Variants in CACNA1D observed in about 807,000 individuals in gnomAD.
The protein encoded by CACNA1D is calcium voltage-gated channel subunit alpha1 D.
A neutral mutation model predicts 257.1 loss-of-function variants in CACNA1D; 55 were observed. That is an observed-to-expected ratio of 0.21 (90% CI 0.17 to 0.27). CACNA1D has a LOEUF of 0.27. Ranked by LOEUF, CACNA1D falls within the 10% of genes least tolerant of loss-of-function variation. The pLI is 1.00. For synonymous variants in CACNA1D, 980 were observed against 1,014.9 expected (o/e 0.97, Z 0.65); for missense variants, 1,876 against 2,784.0 (o/e 0.67, Z 7.34).
chr3:53,604,479 G>T (rs977972668), intron 3 of CACNA1D, among the ~76,000 whole-genome samples: 2 of 152,138 alleles, frequency 1.3e-5, no homozygotes, highest in African/African-American at 4.8e-5. Flanking sequence ...TCAAATGGAG[G>T]GCTTTTTGAA....
At chr3:53,759,478 G>A (rs913836005) in intron 29 of CACNA1D, among the ~76,000 whole-genome samples, 3 of 152,216 alleles carry the variant, frequency 2.0e-5, no homozygotes, top group Admixed American at 6.5e-5. Context: ...GCTGGGGCAC[G>A]CACCACAGCA....
intron 3 of CACNA1D, among the ~76,000 whole-genome samples, chr3:53,616,113 C>CAGGGTG (rs928131944): frequency 2.0e-5 from 3 of 152,138 alleles, no homozygotes; most frequent in African/African-American, 4.8e-5. Context: ...AGTGACCCTG[C>CAGGGTG]AGGGTGAGGG....
At chr3:53,665,093 T>TA (rs1404562254) in intron 5 of CACNA1D, among the ~76,000 whole-genome samples, 1 of 152,252 alleles carries the variant, frequency 6.6e-6, no homozygotes, top group East Asian at 1.9e-4. Context: ...GCATTCATGA[T>TA]AAACAGTTTG....
intron 7 of CACNA1D, among the ~76,000 whole-genome samples, chr3:53,672,780 G>C (rs1357104096): frequency 2.1e-5 from 3 of 145,712 alleles, no homozygotes; most frequent in Non-Finnish European, 3.0e-5. Flanking sequence ...GTGTGTGTGT[G>C]TGTGTGTGTG....
Position 53,735,594 on chromosome 3 carries a change from A to C in CACNA1D, c.2751+91A>C. 4 of 1,414,924 alleles carry C rather than the reference A, an allele frequency of 2.8e-6. No homozygotes were observed. The South Asian group carries it at 4.6e-5, about 16-fold the overall frequency. 87.6% of individuals were successfully genotyped at this position (1,414,924 alleles called of 1,614,324 possible). A position where few individuals can be genotyped will look rare whatever the true frequency, so the allele number is the denominator to read the frequency against. On this transcript the variant is annotated intron_variant, in intron 20 of 47. Transcript: ENST00000350061. The stretch of plus-strand genomic sequence containing the variant: ...GAGATGGGAGCTGTGGAGGCCCTCA[A>C]GGTGACAGCTAGAGTAGGTCTTTCC...
chr3:53,801,418 G>A lies in CACNA1D; in HGVS notation c.5401G>A (p.Val1801Met), dbSNP rs1482956176. The A allele has an allele frequency of 1.1e-5, 17 of 1,614,026 alleles. No homozygotes were observed. The highest frequency in any genetic ancestry group is 1.4e-5 in the Non-Finnish European group (16 of 1,180,026). ...HDREPQRRSS[V>M]KRTRYYETYI... ...CCGGGAGCCTCAGAGAAGGTCCAGT[G>A]TGAAAAGGTAACCTTGACAATGTGT... The change falls in exon 42 of 48, where the codon GTG becomes ATG. Residue 1801 changes from valine to methionine, a missense_variant. By Grantham distance (21) the Val-to-Met change is conservative. Coordinates refer to ENST00000350061, the MANE Select transcript of CACNA1D (RefSeq NM_001128840.3).
intron 20 of CACNA1D, among the ~76,000 whole-genome samples, chr3:53,737,303 A>G (rs952354711): frequency 2.6e-5 from 4 of 152,214 alleles, no homozygotes; most frequent in Non-Finnish European, 4.4e-5. Flanking sequence ...GGGGGAAAAA[A>G]TGTACTGAAT....
chr3:53,734,895 C>A (rs2095042716), intron 19 of CACNA1D, among the ~76,000 whole-genome samples: 1 of 152,192 alleles, frequency 6.6e-6, no homozygotes, highest in Non-Finnish European at 1.5e-5. Context: ...GCAAGACAAG[C>A]CTGGGATTCA....
intron 25 of CACNA1D, among the ~76,000 whole-genome samples, chr3:53,746,445 A>G (rs903621871): frequency 2.0e-5 from 3 of 152,148 alleles, no homozygotes; most frequent in African/African-American, 7.2e-5. Flanking sequence ...CCATTCCAGG[A>G]TGTCCAGTGA....
At chr3:53,666,236 C>T (rs1257929022) in intron 6 of CACNA1D, 103 bp from the exon 7 acceptor site, 26 of 1,029,876 alleles carry the variant, frequency 2.5e-5, no homozygotes, top group South Asian at 7.6e-5. Flanking sequence ...GCAGATGGGG[C>T]GGTAGGGTGT....
chr3:53,789,478 G>A lies in CACNA1D; in HGVS notation c.4923+2526G>A, dbSNP rs1026632321. Among the ~76,000 whole-genome samples the A allele has an allele frequency of 2.6e-5, 4 of 152,232 alleles. No homozygotes were observed. Among genetic ancestry groups the A allele is most frequent in the Non-Finnish European group, 5.9e-5 (4 of 68,038 alleles). ...GAGTAGGCTTTCGTTTCTGCGTGAT[G>A]AAATACCGGGTGACGATGTAGCAGT... On this transcript the variant is annotated intron_variant, in intron 40 of 47. Coordinates refer to ENST00000350061, the MANE Select transcript of CACNA1D (RefSeq NM_001128840.3). This position sits in a 1 kb window ranked among gnomAD's most constrained non-coding sequence, Gnocchi z 4.2.
At chr3:53,596,808 TA>T (rs1040381874) in intron 3 of CACNA1D, among the ~76,000 whole-genome samples, 1 of 152,260 alleles carries the variant, frequency 6.6e-6, no homozygotes, top group Admixed American at 6.5e-5. Context: ...TGTAAGATAC[TA>T]AGTTTGTGTT....
At chr3:53,722,651 C>A (rs758785217) in intron 12 of CACNA1D, among the ~76,000 whole-genome samples, 177 bp downstream of exon 12, 8 of 152,198 alleles carry the variant, frequency 5.3e-5, no homozygotes, top group Non-Finnish European at 7.3e-5. Flanking sequence ...CCATCTGTGC[C>A]GCGTGGTGAA....
At chr3:53,636,229 T>C (rs986630059) in intron 3 of CACNA1D, among the ~76,000 whole-genome samples, 2 of 152,182 alleles carry the variant, frequency 1.3e-5, no homozygotes, top group African/African-American at 2.4e-5. Context: ...TTTTAAATCT[T>C]AGTGAGCAGT....
chr3:53,787,208 G>A (rs2095458698), intron 40 of CACNA1D, among the ~76,000 whole-genome samples: 1 of 152,106 alleles, frequency 6.6e-6, no homozygotes, highest in African/African-American at 2.4e-5. Flanking sequence ...GGAGAGGAGC[G>A]AGCGCTACCC....
intron 28 of CACNA1D, 119 bp from the exon 29 acceptor site, chr3:53,753,453 C>A (rs765362771): frequency 7.9e-6 from 6 of 763,144 alleles, no homozygotes; most frequent in Non-Finnish European, 9.6e-6. Flanking sequence ...AATTGCCCAG[C>A]GAGGGTGCTG....
chr3:53,695,677 G>A (rs747817), intron 8 of CACNA1D, among the ~76,000 whole-genome samples: 4 of 152,182 alleles, frequency 2.6e-5, no homozygotes, highest in South Asian at 2.1e-4. Context: ...CCAAATAGTC[G>A]TGTAAGAAAG....
At chr3:53,607,120 A>G (rs1289409849) in intron 3 of CACNA1D, among the ~76,000 whole-genome samples, 1 of 152,250 alleles carries the variant, frequency 6.6e-6, no homozygotes, top group African/African-American at 2.4e-5. Context: ...TAAAGTGGCT[A>G]TGAACATTTT....
At chr3:53,694,858 A>C (rs1419943994) in intron 8 of CACNA1D, among the ~76,000 whole-genome samples, 1 of 151,938 alleles carries the variant, frequency 6.6e-6, no homozygotes, top group Non-Finnish European at 1.5e-5. Flanking sequence ...GTCACAGGTG[A>C]AGGACCCTGG....
Sources: gnomAD v4.1 joint callset for allele counts (sites outside exome capture counted in the v4.1 genomes callset) on GRCh38, gnomAD v4.1.1 for gene constraint, Gnocchi (gnomAD v3.1) non-coding constraint, MANE v1.5 for transcripts, NCBI Gene and HGNC (gene_info 2026-07-23, HGNC 2026-07-21) for gene names.